Variants in NEMF observed in about 807,000 individuals in gnomAD.
NEMF encodes nuclear export mediator factor.
NEMF carries 89 observed loss-of-function variants against 162.2 expected under a neutral mutation model. The observed-to-expected ratio is 0.55, with a 90% CI of 0.46 to 0.65. NEMF has a LOEUF of 0.65. NEMF is among the 30% of genes least tolerant of loss of function. The pLI, the probability that NEMF is intolerant of heterozygous loss-of-function variation, is 0.00. For synonymous variants in NEMF, 421 were observed against 404.5 expected (o/e 1.04, Z -0.49); for missense variants, 1,133 against 1,261.9 (o/e 0.90, Z 1.55).
intron 3 of NEMF, among the ~76,000 whole-genome samples, chr14:49,848,421 A>C (rs1214618907): frequency 1.3e-5 from 2 of 152,226 alleles, no homozygotes; most frequent in Admixed American, 6.5e-5. Flanking sequence ...CAAATATTGA[A>C]GTATGACATG....
rs569876721 is a variant in NEMF at position 49,785,441 on chromosome 14, A to T, written c.2929-121T>A. ...CTTTTCCTGATATACATACCATCTA[A>T]GCTGGAACAGTGGTACTTAAACTCT... On this transcript the variant is annotated intron_variant, in intron 29 of 32. Transcript: ENST00000298310. 3 of 684,226 alleles carry T rather than the reference A, an allele frequency of 4.4e-6. No individual in the cohort carries two copies. In the African/African-American group the frequency reaches 5.3e-5, roughly 12 times the overall value. 42.4% of individuals were successfully genotyped at this position (684,226 alleles called of 1,614,324 possible).
chr14:49,831,389 GA>G (rs753109809), intron 10 of NEMF, 28 bp from the exon 11 acceptor site: 31 of 1,391,280 alleles, frequency 2.2e-5, no homozygotes, highest in African/African-American at 2.9e-5. Context: ...CAACTAGTTG[GA>G]AAAAAAAGCA....
At chr14:49,833,545 A>C in intron 7 of NEMF, 49 bp from the exon 8 acceptor site, 1 of 1,262,786 alleles carries the variant, frequency 7.9e-7, no homozygotes, top group Non-Finnish European at 1.1e-6. Flanking sequence ...TCAAGTGTCA[A>C]TTAACCGTGG....
chr14:49,798,039 A>G (rs917523510), intron 25 of NEMF, among the ~76,000 whole-genome samples: 6 of 152,214 alleles, frequency 3.9e-5, no homozygotes, highest in Non-Finnish European at 7.3e-5. Flanking sequence ...CTGCAACAGA[A>G]TGACATCCTG....
At chr14:49,793,457 T>C (rs1172820878) in intron 26 of NEMF, among the ~76,000 whole-genome samples, 1 of 152,288 alleles carries the variant, frequency 6.6e-6, no homozygotes, top group East Asian at 1.9e-4. Flanking sequence ...GGCGGGCAGA[T>C]TGCTCAGTTA....
intron 16 of NEMF, chr14:49,820,526 T>C: frequency 4.4e-6 from 2 of 456,282 alleles, no homozygotes; most frequent in Non-Finnish European, 8.8e-6. Flanking sequence ...CCCGGCACTT[T>C]GGAAGGCCGA....
intron 3 of NEMF, among the ~76,000 whole-genome samples, chr14:49,849,433 A>G (rs1045992877): frequency 1.3e-5 from 2 of 152,230 alleles, no homozygotes; most frequent in African/African-American, 4.8e-5. Flanking sequence ...TGTCATCCCC[A>G]AATGTGAATA....
chr14:49,803,925 T>C lies in NEMF; in HGVS notation c.1858-631A>G, dbSNP rs895799904. Among the ~76,000 whole-genome samples, 57 of 152,112 alleles carry C rather than the reference T, an allele frequency of 3.7e-4. 1 individual carries two copies. Among genetic ancestry groups the C allele is most frequent in the African/African-American group, 1.3e-3 (55 of 41,420 alleles). On this transcript the variant is annotated intron_variant, in intron 19 of 32. Coordinates refer to ENST00000298310, the MANE Select transcript of NEMF (RefSeq NM_004713.6). ...TAAGGATAGGTTAATGAGCTTATCA[T>C]AAAGCTATGTTTACTAAAATAAAGC... is the stretch of plus-strand genomic sequence containing the variant.
chr14:49,782,474 C>T lies in NEMF; in HGVS notation c.*2162G>A. On this transcript the variant is annotated 3_prime_UTR_variant, in exon 33 of 33. Transcript: ENST00000298310. ...CACAGAGCTGTAAGTATACTACCTT[C>T]ACATTATTACTGAAACTTACTTGCA... 1.2e-6 allele frequency: 2 copies of T among 1,600,102 alleles called. No homozygotes were observed. Among genetic ancestry groups the T allele is most frequent in the South Asian group, 1.1e-5 (1 of 89,818 alleles).
intron 18 of NEMF, among the ~76,000 whole-genome samples, chr14:49,811,279 C>G (rs989524921): frequency 6.6e-6 from 1 of 152,104 alleles, no homozygotes; most frequent in African/African-American, 2.4e-5. Context: ...AGAAATACAA[C>G]TGATTTTTGT....
rs150902224 is a variant in NEMF at position 49,834,424 on chromosome 14, G to A, written c.600C>T (p.His200=). The A allele has an allele frequency of 7.8e-4, 1,260 of 1,606,176 alleles. 3 individuals are homozygous for A. Among genetic ancestry groups the A allele is most frequent in the Non-Finnish European group, 8.9e-4 (1,044 of 1,172,780 alleles). The part of the protein sequence containing the change: ...LLPYGPALIE[H]CLLENGFSGN... ...CCGAGAATCCATTTTCTAAAAGACA[G>A]TGTTCAATGAGAGCTGGTCCATAGG... is the stretch of plus-strand genomic sequence containing the variant. The change falls in exon 7 of 33, where the codon CAC becomes CAT. Residue 200 remains histidine (H), a synonymous_variant. Coordinates refer to ENST00000298310, the MANE Select transcript of NEMF (RefSeq NM_004713.6).
At chr14:49,826,637 G>A (rs1892363998) in intron 15 of NEMF, among the ~76,000 whole-genome samples, 1 of 151,456 alleles carries the variant, frequency 6.6e-6, no homozygotes, top group African/African-American at 2.4e-5. Flanking sequence ...AGAGGGCCAA[G>A]TCATGAAGGC....
rs760771085 is a variant in NEMF at position 49,782,848 on chromosome 14, C to T, written c.*1788G>A. On this transcript the variant is annotated 3_prime_UTR_variant, in exon 33 of 33. Coordinates refer to ENST00000298310, the MANE Select transcript of NEMF (RefSeq NM_004713.6). ...CTTTCAGGCTAAGCTTAGAAGCAGT[C>T]ATTTGCTTTAAAGAAATGTTAGCCA... 5.0e-5 allele frequency: 80 copies of T among 1,613,590 alleles called. No homozygotes were observed. The South Asian group carries it at 8.3e-4, about 17-fold the overall frequency.
rs1890071258 is a variant in NEMF at position 49,784,620 on chromosome 14, T to C, written c.*16A>G. On this transcript the variant is annotated 3_prime_UTR_variant, in exon 33 of 33. Transcript: ENST00000298310. The stretch of plus-strand genomic sequence containing the variant: ...TAAAATTGGCTCTTCTCAAATATTT[T>C]AGAATTTCATTTCAGCTATTTCCTT... The C allele has an allele frequency of 3.2e-6, 5 of 1,582,502 alleles. No individual in the cohort carries two copies. Among genetic ancestry groups the C allele is most frequent in the Non-Finnish European group, 4.3e-6 (5 of 1,156,394 alleles).
intron 16 of NEMF, among the ~76,000 whole-genome samples, chr14:49,821,197 A>C (rs1201654540): frequency 2.9e-4 from 2 of 6,836 alleles, no homozygotes; most frequent in Admixed American, 3.0e-3. Context: ...GGCAGCCACC[A>C]CGCCCGGGAG....
intron 16 of NEMF, among the ~76,000 whole-genome samples, chr14:49,824,658 A>G (rs1441204675): frequency 1.3e-5 from 2 of 151,668 alleles, no homozygotes; most frequent in Non-Finnish European, 2.9e-5. Context: ...CGAACTCCAG[A>G]GGTCAAGAGG....
chr14:49,829,159 G>T lies in NEMF; in HGVS notation c.1127C>A (p.Thr376Lys), dbSNP rs576948878. The T allele has an allele frequency of 6.2e-7, 1 of 1,614,096 alleles. No individual in the cohort carries two copies. Among genetic ancestry groups the T allele is most frequent in the South Asian group, 1.1e-5 (1 of 91,084 alleles). ...RSALANQIDW[T>K]EIGLIVKEAQ... ...TTCTTTCACAATTAACCCAATTTCTGTCCAATCTATCTGGTTAGCTAAAGC... is the reference window on the plus strand; with the variant it reads ...TTCTTTCACAATTAACCCAATTTCTTTCCAATCTATCTGGTTAGCTAAAGC... Residue 376 changes from threonine to lysine, a missense_variant, in exon 13 of 33, where the codon ACA becomes AAA. This residue lies in a region of NEMF where 582 missense variants were observed against 631.5 expected (regional missense o/e 0.92). Transcript: ENST00000298310.
intron 2 of NEMF, 42 bp from the exon 3 acceptor site, chr14:49,851,707 C>A (rs774425855): frequency 6.5e-7 from 1 of 1,529,946 alleles, no homozygotes; most frequent in Non-Finnish European, 9.0e-7. Context: ...GGGTATATGC[C>A]AAAGCTAATT....
At chr14:49,824,501 G>A (rs1416674067) in intron 16 of NEMF, among the ~76,000 whole-genome samples, 9 of 129,730 alleles carry the variant, frequency 6.9e-5, no homozygotes, top group African/African-American at 1.8e-4. Context: ...CAAAGACTGC[G>A]CCACTGCACT....
Sources: gnomAD v4.1 joint callset for allele counts (sites outside exome capture counted in the v4.1 genomes callset) on GRCh38, gnomAD v4.1.1 for gene constraint, gnomAD v4.1.1 regional missense constraint, MANE v1.5 for transcripts, NCBI Gene and HGNC (gene_info 2026-07-23, HGNC 2026-07-21) for gene names.